The following ZMAT4 variants were observed in gnomAD, a reference collection of about 807,000 sequenced individuals.
ZMAT4 encodes the protein zinc finger matrin-type 4, also known as zinc finger matrin-type protein 4.
In ZMAT4, 17 loss-of-function variants were observed where a neutral mutation model predicts 28.7. That is an observed-to-expected ratio of 0.59 (90% CI 0.41 to 0.89). ZMAT4 has a LOEUF of 0.89. Among genes scored for constraint, ZMAT4 ranks in the 40% least tolerant of loss-of-function variants. The probability of loss-of-function intolerance (pLI) is 0.00; values close to 1 mark genes in which losing one functional copy is unlikely to be tolerated. For missense variants in ZMAT4, 240 were observed against 283.8 expected, an observed-to-expected ratio of 0.85 and a Z score of 1.11; for synonymous variants, 117 against 109.2, an observed-to-expected ratio of 1.07 and a Z score of -0.44.
rs563609056 is a variant in ZMAT4, at chr8:40,886,943, G to A, written c.-5+10740C>T. ...TCCCAGCACTTTGGGAGGCCAAGGCGGGCAGAACACGAGGTCAGGAGATCG... is the reference window on the plus strand; with the variant it reads ...TCCCAGCACTTTGGGAGGCCAAGGCAGGCAGAACACGAGGTCAGGAGATCG... On this transcript the variant is annotated intron_variant, in intron 1 of 6. Transcript: ENST00000297737. 6.6e-5 allele frequency among the ~76,000 whole-genome samples: 10 copies of A among 152,042 alleles called. No individual in the cohort carries two copies. In the South Asian group the frequency reaches 8.3e-4, roughly 13 times the overall value.
intron 2 of ZMAT4, among the ~76,000 whole-genome samples, chr8:40,782,214 C>T (rs1057289407): frequency 9.9e-5 from 15 of 151,962 alleles, no homozygotes; most frequent in African/African-American, 3.4e-4. Context: ...GGTGAAACCC[C>T]GCCTCTACTA....
At chr8:40,582,013 T>C (rs1804481030) in intron 5 of ZMAT4, among the ~76,000 whole-genome samples, 1 of 152,196 alleles carries the variant, frequency 6.6e-6, no homozygotes, top group Non-Finnish European at 1.5e-5. Context: ...AGACCCATAA[T>C]GAAACATATT....
intron 2 of ZMAT4, among the ~76,000 whole-genome samples, chr8:40,819,234 C>T (rs571568864): frequency 6.6e-6 from 1 of 152,114 alleles, no homozygotes; most frequent in Non-Finnish European, 1.5e-5. Context: ...TAAAAGGGCT[C>T]TTTCACCAGT....
rs140775938 is a variant in ZMAT4, at chr8:40,860,299, G to T, written c.-4-34619C>A. Among the ~76,000 whole-genome samples, 159 of 152,294 alleles carry T rather than the reference G, an allele frequency of 1.0e-3. 1 individual carries two copies. The highest frequency in any genetic ancestry group is 3.6e-3 in the African/African-American group (148 of 41,560). ...CCAAGCTGGGACCATGAGATGAGCA[G>T]AGGTCAGGCTGGACCCAGATAGGAT... On this transcript the variant is annotated intron_variant, in intron 1 of 6. Transcript: ENST00000297737.
chr8:40,620,787 A>C (rs1238463489), intron 5 of ZMAT4, among the ~76,000 whole-genome samples: 3 of 152,190 alleles, frequency 2.0e-5, no homozygotes, highest in African/African-American at 7.2e-5. Flanking sequence ...CCTCTCTGAG[A>C]ACTGGCTCAA....
Position 40,724,661 on chromosome 8 carries a change from G to A in ZMAT4, c.193-27260C>T, listed in dbSNP as rs972128436. ...ATGCACTGTGATGGGATCTACAGTA[G>A]ACAAGGGGAAGCACAGAAGAGACAA... On this transcript the variant is annotated intron_variant, in intron 3 of 6. Transcript: ENST00000297737. Among the ~76,000 whole-genome samples the A allele has an allele frequency of 4.6e-5, 7 of 152,300 alleles. No individual in the cohort carries two copies. The South Asian group carries it at 1.0e-3, about 23-fold the overall frequency.
chr8:40,694,575 C>T (rs1315834066), intron 4 of ZMAT4, among the ~76,000 whole-genome samples: 1 of 152,134 alleles, frequency 6.6e-6, no homozygotes, highest in Non-Finnish European at 1.5e-5. Context: ...GATGCTGGTG[C>T]CATCCTCCTA....
intron 3 of ZMAT4, among the ~76,000 whole-genome samples, chr8:40,714,133 G>A (rs1048051780): frequency 6.6e-6 from 1 of 152,036 alleles, no homozygotes; most frequent in African/African-American, 2.4e-5. Context: ...ATCAGCATTA[G>A]AAATCTCTGC....
At chr8:40,846,405 C>G (rs913251178) in intron 1 of ZMAT4, among the ~76,000 whole-genome samples, 10 of 152,314 alleles carry the variant, frequency 6.6e-5, no homozygotes, top group African/African-American at 2.4e-4. Context: ...CAGCAGAGCT[C>G]TGGTCCGCAG....
intron 5 of ZMAT4, among the ~76,000 whole-genome samples, chr8:40,630,740 A>G (rs1055053486): frequency 6.6e-6 from 1 of 152,222 alleles, no homozygotes; most frequent in Non-Finnish European, 1.5e-5. Flanking sequence ...TGAGCACTCT[A>G]TGTAACTCTG....
chr8:40,721,867 T>C (rs1250834183), intron 3 of ZMAT4, among the ~76,000 whole-genome samples: 1 of 152,124 alleles, frequency 6.6e-6, no homozygotes, highest in Non-Finnish European at 1.5e-5. Context: ...TCATTGTAGA[T>C]TCTGGATATA....
At chr8:40,768,339 C>A (rs1439354422) in intron 2 of ZMAT4, among the ~76,000 whole-genome samples, 1 of 152,202 alleles carries the variant, frequency 6.6e-6, no homozygotes, top group East Asian at 1.9e-4. Flanking sequence ...AATAAAGACT[C>A]ATTTTCTTTG....
intron 1 of ZMAT4, among the ~76,000 whole-genome samples, chr8:40,837,710 C>T (rs902491631): frequency 2.0e-5 from 3 of 152,168 alleles, no homozygotes; most frequent in Non-Finnish European, 2.9e-5. Flanking sequence ...AGGTCAGTAC[C>T]GCTCGATTTC....
chr8:40,814,600 A>C (rs1279328671), intron 2 of ZMAT4, among the ~76,000 whole-genome samples: 2 of 152,254 alleles, frequency 1.3e-5, no homozygotes, highest in Admixed American at 1.3e-4. Context: ...CAATCATAAA[A>C]TGAAAATCTA....
intron 5 of ZMAT4, among the ~76,000 whole-genome samples, chr8:40,652,281 C>G (rs1246793232): frequency 3.0e-5 from 3 of 100,832 alleles, no homozygotes; most frequent in Non-Finnish European, 6.4e-5. Flanking sequence ...AGGACATGAA[C>G]AGACAATTCT....
chr8:40,692,971 C>T (rs151181306), intron 4 of ZMAT4, among the ~76,000 whole-genome samples: 103 of 152,208 alleles, frequency 6.8e-4, no homozygotes, highest in African/African-American at 2.4e-3. Flanking sequence ...GCTCATATAC[C>T]GGGTTAGTGT....
intron 2 of ZMAT4, among the ~76,000 whole-genome samples, chr8:40,771,881 C>CT (rs1033471135): frequency 4.6e-5 from 7 of 152,182 alleles, no homozygotes; most frequent in Non-Finnish European, 1.0e-4. Context: ...ATCCTTATTA[C>CT]TTTTTCCCAA....
chr8:40,724,767 C>T (rs1347815838), intron 3 of ZMAT4, among the ~76,000 whole-genome samples: 1 of 152,038 alleles, frequency 6.6e-6, no homozygotes, highest in African/African-American at 2.4e-5. Context: ...AGGACTTGGC[C>T]AAGCCTATGT....
intron 1 of ZMAT4, among the ~76,000 whole-genome samples, chr8:40,828,719 G>T (rs550384997): frequency 5.3e-5 from 8 of 152,266 alleles, no homozygotes; most frequent in African/African-American, 1.9e-4. Flanking sequence ...ACATTCCAGT[G>T]GGAGGCAATT....
Sources: allele counts gnomAD v4.1 joint callset (sites outside exome capture counted in the v4.1 genomes callset), GRCh38; gene constraint gnomAD v4.1.1; transcripts MANE v1.5; gene names NCBI Gene and HGNC (gene_info 2026-07-23, HGNC 2026-07-21).